The following PPP6R2 variants were observed in gnomAD, a reference collection of about 807,000 sequenced individuals.
The protein encoded by PPP6R2 is serine/threonine-protein phosphatase 6 regulatory subunit 2.
A neutral mutation model predicts 100.2 loss-of-function variants in PPP6R2; 62 were observed. The ratio of observed to expected loss-of-function variants is 0.62; its 90% CI spans 0.50 to 0.76. The LOEUF is 0.76. Ranked by LOEUF, PPP6R2 falls within the 30% of genes least tolerant of loss-of-function variation. The pLI, the probability that PPP6R2 is intolerant of heterozygous loss-of-function variation, is 0.00. For missense variants in PPP6R2, 1,142 were observed against 1,276.3 expected, an observed-to-expected ratio of 0.89 and a Z score of 1.60; for synonymous variants, 525 against 514.7, an observed-to-expected ratio of 1.02 and a Z score of -0.27.
intron 2 of PPP6R2, 163 bp from the exon 3 acceptor site, chr22:50,393,730 C>T (rs2056139970): frequency 1.0e-6 from 1 of 985,218 alleles, no homozygotes; most frequent in East Asian, 1.1e-4. Flanking sequence ...CTCTGGGAAT[C>T]TTGTGTGTTC....
At chr22:50,420,228 C>G (rs1053397982) in intron 8 of PPP6R2, among the ~76,000 whole-genome samples, 16 of 152,194 alleles carry the variant, frequency 1.1e-4, no homozygotes, top group Non-Finnish European at 5.9e-5. Context: ...CAGTCAGGGA[C>G]ATTTTCCCTG....
intron 6 of PPP6R2, among the ~76,000 whole-genome samples, 176 bp downstream of exon 6, chr22:50,416,333 TC>T (rs1362280182): frequency 6.8e-6 from 1 of 146,880 alleles, no homozygotes; most frequent in African/African-American, 2.5e-5. Flanking sequence ...ATTTTTTTTT[TC>T]TTTTTTTTTT....
At chr22:50,443,841 A>G in intron 22 of PPP6R2, 25 bp from the exon 23 acceptor site, 1 of 1,554,102 alleles carries the variant, frequency 6.4e-7, no homozygotes. Flanking sequence ...GGTGCCCGTA[A>G]CCGGAGTCCA....
intron 3 of PPP6R2, among the ~76,000 whole-genome samples, chr22:50,399,259 C>G (rs1467055375): frequency 6.6e-6 from 1 of 152,200 alleles, no homozygotes; most frequent in African/African-American, 2.4e-5. Flanking sequence ...AGTTGGCAGA[C>G]TGTATCTATG....
At chr22:50,420,690 AGG>A (rs1252920469) in intron 8 of PPP6R2, among the ~76,000 whole-genome samples, 1 of 152,178 alleles carries the variant, frequency 6.6e-6, no homozygotes, top group East Asian at 1.9e-4. Flanking sequence ...GGAGTCTGTG[AGG>A]GAGGCATTGG....
intron 1 of PPP6R2, among the ~76,000 whole-genome samples, chr22:50,360,502 G>GC (rs893538244): frequency 1.3e-5 from 2 of 151,758 alleles, no homozygotes; most frequent in Non-Finnish European, 2.9e-5. Context: ...TGCTAGGACT[G>GC]CAAGTACATG....
At chr22:50,353,721 G>A (rs912786137) in intron 1 of PPP6R2, among the ~76,000 whole-genome samples, 6 of 151,514 alleles carry the variant, frequency 4.0e-5, no homozygotes, top group South Asian at 4.2e-4. Flanking sequence ...CGCCTGTGTT[G>A]TTTTCCATTT....
rs147880922 is a variant in PPP6R2 at position 50,367,902 on chromosome 22, G to A, written c.-147-4118G>A. On this transcript the variant is annotated intron_variant, in intron 1 of 23. Coordinates refer to ENST00000612753, the MANE Select transcript of PPP6R2 (RefSeq NM_001242898.2). ...GTAGTGGCCCCGAATGCCTGGCTGC[G>A]CTGTTATTTATTGGATACAGGCAAG... Among the ~76,000 whole-genome samples, 1,380 of 152,258 alleles carry A rather than the reference G, an allele frequency of 9.1e-3. 30 individuals carry two copies. The highest frequency in any genetic ancestry group is 0.032 in the African/African-American group (1,309 of 41,544).
At chr22:50,443,010 C>G (rs1473233051) in intron 22 of PPP6R2, 1 of 151,548 alleles carries the variant, frequency 6.6e-6, no homozygotes, top group Admixed American at 6.6e-5. Context: ...ACTAAAAATA[C>G]AAAAATTAGC....
chr22:50,442,761 C>G (rs1358308507), intron 22 of PPP6R2, among the ~76,000 whole-genome samples: 1 of 151,706 alleles, frequency 6.6e-6, no homozygotes, highest in African/African-American at 2.4e-5. Flanking sequence ...ACTGTGTTAG[C>G]CAGTATGGTC....
intron 3 of PPP6R2, among the ~76,000 whole-genome samples, chr22:50,396,948 C>T (rs1052432910): frequency 6.6e-6 from 1 of 152,190 alleles, no homozygotes; most frequent in Non-Finnish European, 1.5e-5. Context: ...GTCCCCATCC[C>T]TCCCACTTTC....
Position 50,380,796 on chromosome 22 carries a change from T to C in PPP6R2, c.-17+8646T>C, listed in dbSNP as rs2052717911. Among the ~76,000 whole-genome samples the C allele has an allele frequency of 2.7e-5, 4 of 150,790 alleles. No homozygotes were observed. In the South Asian group the frequency reaches 8.4e-4, roughly 32 times the overall value. The stretch of plus-strand genomic sequence containing the variant: ...CGAGGTCAGGAGATCGAGACCATCC[T>C]GGCTAACACAGTGAAACCCCTTCAC... On this transcript the variant is annotated intron_variant, in intron 2 of 23. Coordinates refer to ENST00000612753, the MANE Select transcript of PPP6R2 (RefSeq NM_001242898.2).
At chr22:50,414,726 G>C in intron 5 of PPP6R2, 37 bp downstream of exon 5, 1 of 1,594,710 alleles carries the variant, frequency 6.3e-7, no homozygotes, top group Non-Finnish European at 8.5e-7. Context: ...CCGAGGGCAG[G>C]GGTGCTGCAG....
chr22:50,402,525 G>A (rs1339063054), intron 3 of PPP6R2, among the ~76,000 whole-genome samples: 1 of 152,108 alleles, frequency 6.6e-6, no homozygotes, highest in Non-Finnish European at 1.5e-5. Flanking sequence ...TCTGTGGCCT[G>A]AATTCTCATC....
At chr22:50,362,396 T>C (rs1234679598) in intron 1 of PPP6R2, among the ~76,000 whole-genome samples, 1 of 152,212 alleles carries the variant, frequency 6.6e-6, no homozygotes, top group African/African-American at 2.4e-5. Flanking sequence ...CAGCTGGGCC[T>C]CCGCTGCTGG....
intron 1 of PPP6R2, among the ~76,000 whole-genome samples, chr22:50,358,938 T>TGATTATTGTAACTTAA (rs2148286218): frequency 6.6e-6 from 1 of 151,608 alleles, no homozygotes; most frequent in African/African-American, 2.4e-5. Flanking sequence ...CGCGATGTCT[T>TGATTATTGTAACTTAA]GATTATTGTA....
the PPP6R2 span, among the ~76,000 whole-genome samples, chr22:50,332,231 A>ATT: frequency 1.1e-3 from 165 of 145,206 alleles, 1 homozygote; most frequent in East Asian, 3.6e-3. Flanking sequence ...CTTCTAGAAG[A>ATT]TTTTTTTTTT....
intron 4 of PPP6R2, among the ~76,000 whole-genome samples, chr22:50,410,766 G>A (rs2059631879): frequency 6.6e-6 from 1 of 151,754 alleles, no homozygotes; most frequent in South Asian, 2.1e-4. Flanking sequence ...ACAATTGGAG[G>A]AAACATGTCA....
chr22:50,375,639 A>C (rs1448750011), intron 2 of PPP6R2, among the ~76,000 whole-genome samples: 1 of 151,958 alleles, frequency 6.6e-6, no homozygotes, highest in Non-Finnish European at 1.5e-5. Context: ...AGGGAAAAAA[A>C]CCTGTTCCTG....
Sources: allele counts gnomAD v4.1 joint callset (sites outside exome capture counted in the v4.1 genomes callset), GRCh38; gene constraint gnomAD v4.1.1; transcripts MANE v1.5; gene names NCBI Gene and HGNC (gene_info 2026-07-23, HGNC 2026-07-21).